IHO1: variants seen among roughly 807,000 people sequenced by gnomAD.
IHO1 encodes interactor of HORMAD1 protein 1.
A neutral mutation model predicts 31.0 loss-of-function variants in IHO1; 13 were observed. The ratio of observed to expected loss-of-function variants is 0.42; its 90% CI spans 0.27 to 0.67. The LOEUF (loss-of-function observed/expected upper bound fraction) is 0.67. Ranked by LOEUF, IHO1 falls within the 30% of genes least tolerant of loss-of-function variation. The pLI, the probability that IHO1 is intolerant of heterozygous loss-of-function variation, is 0.24. For synonymous variants in IHO1, 221 were observed against 248.4 expected, an observed-to-expected ratio of 0.89 and a Z score of 1.04; for missense variants, 599 against 687.5, an observed-to-expected ratio of 0.87 and a Z score of 1.44.
intron 2 of IHO1, among the ~76,000 whole-genome samples, chr3:49,214,622 A>T (rs1298560635): frequency 4.0e-5 from 1 of 25,244 alleles, no homozygotes; most frequent in African/African-American, 1.3e-4. Context: ...ATATATATAT[A>T]TATATATATA....
In IHO1 at chr3:49,243,706, C is replaced by T. The variant is rs1445660480; in HGVS notation, c.396-698C>T. On this transcript the variant is annotated intron_variant, in intron 4 of 7. Coordinates refer to ENST00000452691, the MANE Select transcript of IHO1 (RefSeq NM_001135197.2). ...CCAGGAGGCAGAGCTTGCAGTGAGC[C>T]GAGATCGTGCCACTGCACTCCAGCC... Among the ~76,000 whole-genome samples, 7 of 139,596 alleles carry T rather than the reference C, an allele frequency of 5.0e-5. No homozygotes were observed. In the South Asian group the frequency reaches 6.9e-4, roughly 14 times the overall value. The allele number at this position is 139,596 out of a possible 152,430, so 91.6% of individuals were successfully genotyped here.
chr3:49,226,988 A>G (rs920072146), intron 2 of IHO1, among the ~76,000 whole-genome samples: 2 of 152,096 alleles, frequency 1.3e-5, no homozygotes, highest in South Asian at 4.1e-4. Flanking sequence ...TCTTCTGGGC[A>G]GGGGAGATTA....
At chr3:49,222,934 C>T (rs1432367046) in intron 2 of IHO1, among the ~76,000 whole-genome samples, 1 of 152,048 alleles carries the variant, frequency 6.6e-6, no homozygotes, top group Non-Finnish European at 1.5e-5. Context: ...AAAGGATTAC[C>T]GAGTATGGTC....
chr3:49,255,815 T>G (rs1268215755), intron 7 of IHO1, among the ~76,000 whole-genome samples: 1 of 151,908 alleles, frequency 6.6e-6, no homozygotes, highest in Non-Finnish European at 1.5e-5. Flanking sequence ...CCTCCCAAAG[T>G]GCTGGGGATT....
At chr3:49,235,421 G>A (rs1204388204) in intron 2 of IHO1, among the ~76,000 whole-genome samples, 1 of 149,334 alleles carries the variant, frequency 6.7e-6, no homozygotes, top group Admixed American at 6.7e-5. Context: ...GTAGAGATGG[G>A]GTTTCACCAT....
intron 1 of IHO1, among the ~76,000 whole-genome samples, chr3:49,206,360 T>A (rs1024482460): frequency 6.6e-6 from 1 of 151,936 alleles, no homozygotes; most frequent in Non-Finnish European, 1.5e-5. Context: ...CCTCCCAAAG[T>A]TCTGGGATTA....
chr3:49,213,877 A>G, intron 2 of IHO1: 1 of 271,566 alleles, frequency 3.7e-6, no homozygotes, highest in South Asian at 3.0e-5. Flanking sequence ...TAGCCCAGAG[A>G]GGGGCTCCCA....
Position 49,257,197 on chromosome 3 carries a change from G to C in IHO1, c.1700G>C (p.Cys567Ser), listed in dbSNP as rs200262762. The C allele has an allele frequency of 2.3e-5, 37 of 1,614,078 alleles. No homozygotes were observed. Among genetic ancestry groups the C allele is most frequent in the Non-Finnish European group, 2.8e-5 (33 of 1,180,026 alleles). The part of the protein sequence containing the change: ...MSWFSDLNLG[C>S]SETPLCKEAG... ...TGGTTCAGTGACCTCAATCTCGGAT[G>C]TTCAGAGACCCCTCTATGCAAGGAG... The change falls in exon 8 of 8, where the codon TGT (cysteine) becomes TCT (serine). Residue 567 changes from cysteine (C) to serine (S), a missense_variant. Cys to Ser is a moderately radical substitution (Grantham distance 112). Coordinates refer to ENST00000452691, the MANE Select transcript of IHO1 (RefSeq NM_001135197.2).
In IHO1 at chr3:49,256,544, G is replaced by T. The variant is rs781526018; in HGVS notation, c.1047G>T (p.Lys349Asn). 1 of 1,614,186 alleles carries T rather than the reference G, an allele frequency of 6.2e-7. No homozygotes were observed. Among genetic ancestry groups the T allele is most frequent in the South Asian group, 1.1e-5 (1 of 91,080 alleles). The change falls in exon 8 of 8, where the codon AAG becomes AAT. Residue 349 changes from lysine (K) to asparagine (N), a missense_variant. By Grantham distance (94) the Lys-to-Asn change is moderately conservative (BLOSUM62 0). Transcript: ENST00000452691. The surrounding 1 kb of genome is among the most constrained non-coding windows in gnomAD (Gnocchi z 4.6). ...FGSHERNRHV[K>N]DKVVQTNCKN... ...CCCATGAAAGAAATAGGCATGTAAA[G>T]GACAAGGTGGTGCAGACTAACTGCA...
intron 2 of IHO1, chr3:49,214,109 A>G (rs2046256319): frequency 5.8e-6 from 1 of 172,222 alleles, no homozygotes; most frequent in Non-Finnish European, 1.3e-5. Flanking sequence ...TCTGTGTGTT[A>G]ACTGAGGAAT....
intron 2 of IHO1, among the ~76,000 whole-genome samples, chr3:49,226,865 G>T (rs1159540812): frequency 6.6e-6 from 1 of 152,194 alleles, no homozygotes; most frequent in Admixed American, 6.5e-5. Flanking sequence ...CAGAGAGGGA[G>T]AAGTGGACAT....
At chr3:49,228,614 T>C (rs1418278799) in intron 2 of IHO1, among the ~76,000 whole-genome samples, 4 of 152,160 alleles carry the variant, frequency 2.6e-5, no homozygotes, top group Non-Finnish European at 5.9e-5. Context: ...ACCTTCGCGA[T>C]GAGTGTTACA....
At chr3:49,224,216 T>C (rs1193657424) in intron 2 of IHO1, among the ~76,000 whole-genome samples, 1 of 152,220 alleles carries the variant, frequency 6.6e-6, no homozygotes, top group Admixed American at 6.5e-5. Context: ...AGTCGGGGAA[T>C]ACTGGGGCTT....
rs1344927565 is a variant in IHO1, at chr3:49,212,139, G to A, written c.56+303G>A. Among the ~76,000 whole-genome samples, 3 of 150,428 alleles carry A rather than the reference G, an allele frequency of 2.0e-5. No individual in the cohort carries two copies. In the South Asian group the frequency reaches 6.4e-4, roughly 32 times the overall value. The stretch of plus-strand genomic sequence containing the variant: ...AGATTGCGCCACTGCACTCCAGCCT[G>A]GGCGACAGAGCGAGACTCCGTCTCA... On this transcript the variant is annotated intron_variant, in intron 2 of 7. Coordinates refer to ENST00000452691, the MANE Select transcript of IHO1 (RefSeq NM_001135197.2).
intron 6 of IHO1, among the ~76,000 whole-genome samples, chr3:49,248,114 G>T (rs1232913941): frequency 2.4e-4 from 29 of 118,920 alleles, no homozygotes; most frequent in African/African-American, 9.0e-4. Flanking sequence ...GATAGAGTGA[G>T]ACTCCATCTC....
intron 2 of IHO1, among the ~76,000 whole-genome samples, chr3:49,224,799 C>T (rs1463260145): frequency 3.3e-5 from 5 of 151,836 alleles, no homozygotes; most frequent in Admixed American, 3.3e-4. Context: ...TTGGCAGTCA[C>T]ACTTGATTGG....
chr3:49,194,216 C>T (rs952281630), upstream of IHO1, among the ~76,000 whole-genome samples: 27 of 143,936 alleles, frequency 1.9e-4, no homozygotes, highest in Admixed American at 4.3e-4. Flanking sequence ...TGCAGTGAGT[C>T]GAGATCGTGC....
intron 1 of IHO1, among the ~76,000 whole-genome samples, chr3:49,202,915 C>T (rs1340214969): frequency 4.1e-5 from 6 of 147,474 alleles, no homozygotes; most frequent in South Asian, 4.3e-4. Flanking sequence ...GACTGCGGAC[C>T]GCAGTGGCGC....
At position 49,255,480 on chromosome 3, in the gene IHO1, A is replaced by G. The variant is rs752460753; in HGVS notation, c.623A>G (p.Lys208Arg). ...NMEQAILEMK[K>R]RFEARQGEFI... ...GAGCAGGCCATCCTTGAGATGAAGA[A>G]AAGATTTGAAGCTGTAAGTGTAAAC... The change falls in exon 7 of 8, where the codon AAA (lysine) becomes AGA (arginine). Residue 208 changes from lysine to arginine, a missense_variant. Physicochemically the swap from Lys to Arg is conservative, Grantham distance 26. Transcript: ENST00000452691. 6.2e-7 allele frequency: 1 copy of G among 1,601,190 alleles called. No individual in the cohort carries two copies. Among genetic ancestry groups the G allele is most frequent in the Non-Finnish European group, 8.5e-7 (1 of 1,176,276 alleles).
Sources: gnomAD v4.1 joint callset for allele counts (sites outside exome capture counted in the v4.1 genomes callset) on GRCh38, gnomAD v4.1.1 for gene constraint, Gnocchi (gnomAD v3.1) non-coding constraint, MANE v1.5 for transcripts, NCBI Gene and HGNC (gene_info 2026-07-23, HGNC 2026-07-21) for gene names.